The following SLC24A3 variants were observed in gnomAD, a reference collection of about 807,000 sequenced individuals.
SLC24A3 encodes solute carrier family 24 member 3.
In SLC24A3, 28 loss-of-function variants were observed where a neutral mutation model predicts 75.8. That is an observed-to-expected ratio of 0.37 (90% CI 0.27 to 0.51). The LOEUF (loss-of-function observed/expected upper bound fraction) is 0.51. SLC24A3 is among the 20% of genes least tolerant of loss of function. The probability of loss-of-function intolerance (pLI) is 0.94; values close to 1 mark genes in which losing one functional copy is unlikely to be tolerated. For missense variants in SLC24A3, 663 were observed against 847.8 expected (o/e 0.78, Z 2.71); for synonymous variants, 372 against 334.1 (o/e 1.11, Z -1.24).
chr20:19,662,449 T>C (rs1218648214), intron 7 of SLC24A3, among the ~76,000 whole-genome samples: 1 of 152,250 alleles, frequency 6.6e-6, no homozygotes, highest in Non-Finnish European at 1.5e-5. Flanking sequence ...TTCAGTAGGC[T>C]GCCTGCCTTG....
At chr20:19,470,576 G>A (rs6035350) in intron 2 of SLC24A3, among the ~76,000 whole-genome samples, 3,762 of 152,038 alleles carry the variant, frequency 0.025, 146 homozygotes, top group African/African-American at 0.084. Flanking sequence ...ACATACACTC[G>A]GGTACATGTG....
chr20:19,586,042 G>A (rs758425130), intron 6 of SLC24A3, among the ~76,000 whole-genome samples: 6 of 152,066 alleles, frequency 3.9e-5, no homozygotes, highest in Non-Finnish European at 8.8e-5. Flanking sequence ...CTATTATAAC[G>A]TGCCTTTGGG....
rs148782059 is a variant in SLC24A3, at chr20:19,558,254, A to G, written c.349-21746A>G. Among the ~76,000 whole-genome samples the G allele has an allele frequency of 6.4e-3, 968 of 151,972 alleles. 12 individuals are homozygous for G. The highest frequency in any genetic ancestry group is 0.022 in the African/African-American group (918 of 41,478). On this transcript the variant is annotated intron_variant, in intron 3 of 16. Coordinates refer to ENST00000328041, the MANE Select transcript of SLC24A3 (RefSeq NM_020689.4). The stretch of plus-strand genomic sequence containing the variant: ...TAAACTTTTTATTTTTTATTTTTTT[A>G]TTTTTGAGACAGAGTCTCGCTCTGT...
intron 3 of SLC24A3, among the ~76,000 whole-genome samples, chr20:19,560,008 T>A (rs2030849506): frequency 6.6e-6 from 1 of 152,168 alleles, no homozygotes; most frequent in Non-Finnish European, 1.5e-5. Context: ...TAGTGTTACA[T>A]TAACTGATTT....
chr20:19,456,719 CT>C (rs1987584102), intron 2 of SLC24A3, among the ~76,000 whole-genome samples: 1 of 152,220 alleles, frequency 6.6e-6, no homozygotes. Flanking sequence ...CCACTGTCAA[CT>C]CATGAATCCC....
chr20:19,659,195 G>C (rs6046231), intron 7 of SLC24A3, among the ~76,000 whole-genome samples: 1 of 152,198 alleles, frequency 6.6e-6, no homozygotes, highest in Non-Finnish European at 1.5e-5. Flanking sequence ...TGATGGGTCA[G>C]GTGAGCCCTT....
chr20:19,554,300 CT>C (rs1030173573), intron 3 of SLC24A3, among the ~76,000 whole-genome samples: 5 of 152,102 alleles, frequency 3.3e-5, no homozygotes, highest in African/African-American at 4.8e-5. Flanking sequence ...TTAATTTCAT[CT>C]TTTTTTAACC....
intron 2 of SLC24A3, among the ~76,000 whole-genome samples, chr20:19,377,267 T>C (rs1986100362): frequency 6.6e-6 from 1 of 152,116 alleles, no homozygotes; most frequent in Non-Finnish European, 1.5e-5. Context: ...TGATTTGAAA[T>C]GAATTTGATT....
chr20:19,234,316 C>T lies in SLC24A3; in HGVS notation c.142+21332C>T, dbSNP rs374440135. ...ATGAGACCCAGGAAAGTTTGCTTAA[C>T]GAAGTTGGCATGTATTGCCTGTGAA... On this transcript the variant is annotated intron_variant, in intron 1 of 16. Transcript: ENST00000328041. Among the ~76,000 whole-genome samples the T allele has an allele frequency of 2.1e-3, 317 of 152,298 alleles. 9 individuals carry two copies. The South Asian group carries it at 0.058, about 28-fold the overall frequency.
intron 2 of SLC24A3, among the ~76,000 whole-genome samples, chr20:19,344,013 C>A (rs542740636): frequency 3.9e-5 from 6 of 152,236 alleles, no homozygotes; most frequent in Admixed American, 2.6e-4. Flanking sequence ...TAGTAATAGA[C>A]CCTGGTTTCT....
Position 19,571,494 on chromosome 20 carries a change from A to T in SLC24A3, c.349-8506A>T, listed in dbSNP as rs75930327. Among the ~76,000 whole-genome samples the T allele has an allele frequency of 1.8e-3, 281 of 152,298 alleles. 2 individuals are homozygous for T. The highest frequency in any genetic ancestry group is 6.3e-3 in the African/African-American group (262 of 41,574). On this transcript the variant is annotated intron_variant, in intron 3 of 16. Coordinates refer to ENST00000328041, the MANE Select transcript of SLC24A3 (RefSeq NM_020689.4). ...AAAAGAAGGAGAACAAAGGGGGGAA[A>T]GTAGAATAATCTTTTCCTGCTGAAA...
At chr20:19,326,057 A>G (rs1600430822) in intron 2 of SLC24A3, among the ~76,000 whole-genome samples, 1 of 152,018 alleles carries the variant, frequency 6.6e-6, no homozygotes, top group Admixed American at 6.5e-5. Context: ...ATTCTAGAGC[A>G]TTTTGGGTAT....
intron 2 of SLC24A3, among the ~76,000 whole-genome samples, chr20:19,324,047 G>T (rs1020626324): frequency 6.6e-6 from 1 of 152,158 alleles, no homozygotes; most frequent in Non-Finnish European, 1.5e-5. Flanking sequence ...AGTGCCCGGC[G>T]CAGGATGAGA....
At position 19,646,841 on chromosome 20, in the gene SLC24A3, C is replaced by CTGTGTGTGTGTGTGTG. The variant is rs74180956; in HGVS notation, c.613-7211_613-7210insTGTGTGTGTGTGTGTG. Reference sequence around the variant, plus strand: ...GTTGTACTTTAAAAATTACAAAACTCTGTGTGTGTGCGTGTGTGTGTGTGT... The same window carrying CTGTGTGTGTGTGTGTG: ...GTTGTACTTTAAAAATTACAAAACTCTGTGTGTGTGTGTGTGTGTGTGTGTGCGTGTGTGTGTGTGT... On this transcript the variant is annotated intron_variant, in intron 6 of 16. Coordinates refer to ENST00000328041, the MANE Select transcript of SLC24A3 (RefSeq NM_020689.4). 5.8e-3 allele frequency among the ~76,000 whole-genome samples: 843 copies of CTGTGTGTGTGTGTGTG among 144,660 alleles called. 12 individuals are homozygous for CTGTGTGTGTGTGTGTG. The highest frequency in any genetic ancestry group is 0.018 in the African/African-American group (727 of 39,378). The allele number at this position is 144,660 out of a possible 152,430, so 94.9% of individuals were successfully genotyped here.
chr20:19,285,099 T>C (rs879711390), intron 2 of SLC24A3, among the ~76,000 whole-genome samples: 4 of 152,090 alleles, frequency 2.6e-5, no homozygotes, highest in Non-Finnish European at 4.4e-5. Flanking sequence ...GAGTGCCCAG[T>C]TTTGGTGCCA....
At chr20:19,581,910 G>A (rs1268013619) in intron 4 of SLC24A3, among the ~76,000 whole-genome samples, 5 of 152,190 alleles carry the variant, frequency 3.3e-5, no homozygotes. Context: ...GCACAGAAGA[G>A]CAACCACATT....
intron 2 of SLC24A3, among the ~76,000 whole-genome samples, chr20:19,329,033 A>G (rs909824558): frequency 1.3e-5 from 2 of 152,190 alleles, no homozygotes; most frequent in East Asian, 1.9e-4. Flanking sequence ...CTGTGGATGC[A>G]TCAGGCGACT....
chr20:19,662,523 T>C (rs192466349), intron 7 of SLC24A3, among the ~76,000 whole-genome samples: 183 of 152,352 alleles, frequency 1.2e-3, no homozygotes, highest in Non-Finnish European at 1.9e-3. Context: ...ACTGACTTCA[T>C]TTCAACTTCA....
chr20:19,275,687 C>G (rs149867765), intron 1 of SLC24A3, among the ~76,000 whole-genome samples: 144 of 152,206 alleles, frequency 9.5e-4, no homozygotes, highest in African/African-American at 3.3e-3. Context: ...AAAGGGTGAG[C>G]ACACAGCTCT....
Sources: gnomAD v4.1 joint callset for allele counts (sites outside exome capture counted in the v4.1 genomes callset) on GRCh38, gnomAD v4.1.1 for gene constraint, MANE v1.5 for transcripts, NCBI Gene and HGNC (gene_info 2026-07-23, HGNC 2026-07-21) for gene names.